The following TNPO3 variants were observed in gnomAD, a reference collection of about 807,000 sequenced individuals.
TNPO3 encodes the protein transportin-3.
In TNPO3, 65 loss-of-function variants were observed where a neutral mutation model predicts 122.8. That is an observed-to-expected ratio of 0.53 (90% confidence interval 0.43 to 0.65). TNPO3 has a LOEUF of 0.65. Among genes scored for constraint, TNPO3 ranks in the 30% least tolerant of loss-of-function variants. The pLI, the probability that TNPO3 is intolerant of heterozygous loss-of-function variation, is 0.00. For missense variants in TNPO3, 850 were observed against 1,136.7 expected, an observed-to-expected ratio of 0.75 and a Z score of 3.63; for synonymous variants, 372 against 411.2, an observed-to-expected ratio of 0.90 and a Z score of 1.15.
intron 1 of TNPO3, among the ~76,000 whole-genome samples, chr7:129,046,195 C>CAAAAAAA (rs5887409): frequency 3.0e-4 from 24 of 79,236 alleles, no homozygotes; most frequent in East Asian, 4.5e-4. Context: ...GACTCCGTCT[C>CAAAAAAA]AAAAAAAAAA....
intron 1 of TNPO3, among the ~76,000 whole-genome samples, chr7:129,027,467 A>G (rs892046625): frequency 6.9e-6 from 1 of 144,744 alleles, no homozygotes; most frequent in Non-Finnish European, 1.5e-5. Context: ...AGGCTGAGGC[A>G]GGAGAATCGC....
At chr7:128,999,138 G>A (rs998829334) in intron 7 of TNPO3, among the ~76,000 whole-genome samples, 3 of 152,108 alleles carry the variant, frequency 2.0e-5, no homozygotes, top group Non-Finnish European at 2.9e-5. Flanking sequence ...GAGCCACTGC[G>A]CCCGGCCAGA....
chr7:129,014,079 A>C (rs1803549337), intron 4 of TNPO3, among the ~76,000 whole-genome samples: 1 of 152,176 alleles, frequency 6.6e-6, no homozygotes, highest in Non-Finnish European at 1.5e-5. Flanking sequence ...GACTATAGTT[A>C]ATAATTTATT....
At chr7:128,965,794 T>A (rs1797875996) in intron 21 of TNPO3, among the ~76,000 whole-genome samples, 1 of 152,174 alleles carries the variant, frequency 6.6e-6, no homozygotes, top group Non-Finnish European at 1.5e-5. Context: ...CATAGATGAA[T>A]CCTAAGGACA....
chr7:128,983,270 G>A (rs942536819), intron 13 of TNPO3, among the ~76,000 whole-genome samples: 4 of 152,062 alleles, frequency 2.6e-5, no homozygotes, highest in South Asian at 2.1e-4. Context: ...ACAATGGCGC[G>A]ATTTCGGTTC....
intron 12 of TNPO3, 43 bp downstream of exon 12, chr7:128,986,686 G>A (rs1483312804): frequency 2.0e-6 from 3 of 1,531,008 alleles, no homozygotes; most frequent in Non-Finnish European, 2.6e-6. Flanking sequence ...ACCCCAGGTA[G>A]TGGCTTTGAG....
chr7:128,987,300 T>A (rs963645980), intron 11 of TNPO3, among the ~76,000 whole-genome samples: 9 of 152,300 alleles, frequency 5.9e-5, no homozygotes, highest in South Asian at 2.1e-4. Context: ...GAGGGATGAA[T>A]TACTTGGTAA....
At chr7:128,997,608 G>T in intron 7 of TNPO3, 73 bp from the exon 8 acceptor site, 1 of 1,237,210 alleles carries the variant, frequency 8.1e-7, no homozygotes, top group South Asian at 1.4e-5. Flanking sequence ...TTATCACCAC[G>T]ACCATATAGG....
intron 1 of TNPO3, among the ~76,000 whole-genome samples, chr7:129,043,200 A>C (rs1214469219): frequency 2.0e-5 from 3 of 151,852 alleles, no homozygotes; most frequent in Non-Finnish European, 4.4e-5. Context: ...CAGAAATTCT[A>C]CACCAACCTG....
At chr7:129,056,172 G>A (rs1809436184), upstream of TNPO3, 1 of 908,954 alleles carries the variant, frequency 1.1e-6, no homozygotes, top group African/African-American at 1.6e-5. Context: ...TAACGAGTTG[G>A]CCCGGCAGAA....
chr7:128,989,515 A>C (rs937339312), intron 11 of TNPO3, among the ~76,000 whole-genome samples: 2 of 152,242 alleles, frequency 1.3e-5, no homozygotes, highest in South Asian at 4.1e-4. Context: ...AGGTTATATA[A>C]GTCTTCATTT....
At chr7:128,973,143 A>G (rs368857890) in intron 18 of TNPO3, among the ~76,000 whole-genome samples, 1 of 152,238 alleles carries the variant, frequency 6.6e-6, no homozygotes, top group Non-Finnish European at 1.5e-5. Flanking sequence ...AAAAAGTCCT[A>G]AAGATGCTAG....
intron 2 of TNPO3, 47 bp from the exon 3 acceptor site, chr7:129,017,103 G>T: frequency 6.6e-7 from 1 of 1,508,548 alleles, no homozygotes. Flanking sequence ...ACAGAAATAG[G>T]GTCACAATAA....
intron 1 of TNPO3, among the ~76,000 whole-genome samples, chr7:129,024,755 G>A (rs1346003197): frequency 1.3e-5 from 2 of 152,188 alleles, no homozygotes; most frequent in African/African-American, 2.4e-5. Context: ...CAGGTGTGGT[G>A]GCTCACACCT....
At chr7:128,978,425 C>A (rs1413964988) in intron 16 of TNPO3, among the ~76,000 whole-genome samples, 1 of 152,160 alleles carries the variant, frequency 6.6e-6, no homozygotes, top group Non-Finnish European at 1.5e-5. Context: ...AAAATGCTTA[C>A]CATTAGTATA....
At chr7:128,972,030 T>A (rs1798541451) in intron 19 of TNPO3, among the ~76,000 whole-genome samples, 1 of 152,198 alleles carries the variant, frequency 6.6e-6, no homozygotes, top group Admixed American at 6.5e-5. Context: ...GTGTTGAATG[T>A]CTGTAGTCCT....
chr7:129,013,633 A>G (rs1344604197), intron 4 of TNPO3, among the ~76,000 whole-genome samples: 1 of 152,194 alleles, frequency 6.6e-6, no homozygotes, highest in Non-Finnish European at 1.5e-5. Flanking sequence ...ATACCCAGAA[A>G]AGAAACCAGT....
intron 1 of TNPO3, among the ~76,000 whole-genome samples, chr7:129,046,500 T>G (rs1402177120): frequency 6.6e-6 from 1 of 152,162 alleles, no homozygotes; most frequent in African/African-American, 2.4e-5. Flanking sequence ...ACACAAAAAA[T>G]GCCTAAACTT....
At chr7:128,972,197 C>A (rs548062359) in intron 19 of TNPO3, among the ~76,000 whole-genome samples, 2 of 152,324 alleles carry the variant, frequency 1.3e-5, no homozygotes, top group Admixed American at 6.5e-5. Context: ...TTCAACTAGA[C>A]ACCAAATGAT....
Sources: gnomAD v4.1 joint callset for allele counts (sites outside exome capture counted in the v4.1 genomes callset) on GRCh38, gnomAD v4.1.1 for gene constraint, MANE v1.5 for transcripts, NCBI Gene and HGNC (gene_info 2026-07-23, HGNC 2026-07-21) for gene names.